The following C16orf95 variants were observed in gnomAD, a reference collection of about 807,000 sequenced individuals.
C16orf95 encodes the protein chromosome 16 open reading frame 95, also known as uncharacterized protein C16orf95.
C16orf95 carries 41 observed loss-of-function variants against 32.1 expected under a neutral mutation model. The ratio of observed to expected loss-of-function variants is 1.28; its 90% CI spans 1.00 to 1.66. The LOEUF (loss-of-function observed/expected upper bound fraction) is 1.66. Ranked by LOEUF, C16orf95 falls within the 40% of genes most tolerant of loss-of-function variation. The pLI, the probability that C16orf95 is intolerant of heterozygous loss-of-function variation, is 0.00. For synonymous variants in C16orf95, 147 were observed against 128.9 expected, an observed-to-expected ratio of 1.14 and a Z score of -0.95; for missense variants, 399 against 325.9, an observed-to-expected ratio of 1.22 and a Z score of -1.73.
chr16:87,311,393 G>A, intron 3 of C16orf95, 97 bp from the exon 4 acceptor site: 5 of 1,316,028 alleles, frequency 3.8e-6, no homozygotes, highest in Non-Finnish European at 5.1e-6. Flanking sequence ...AAGATCCCCT[G>A]GCTGGGTCTT....
chr16:87,315,383 G>A (rs891428579), intron 2 of C16orf95, among the ~76,000 whole-genome samples: 1 of 152,226 alleles, frequency 6.6e-6, no homozygotes, highest in African/African-American at 2.4e-5. Flanking sequence ...CTGAAAATGG[G>A]CATGTACAAG....
rs556938099 is a variant in C16orf95 at position 87,316,853 on chromosome 16, G to C, written c.152+238C>G. On this transcript the variant is annotated intron_variant, in intron 1 of 6. Transcript: ENST00000567970. ...AAGGAAGGAAGCTGAGAGATGGAGA[G>C]AAACCTTCCAGGACCATGGTCAATG... is the stretch of plus-strand genomic sequence containing the variant. 5.3e-5 allele frequency among the ~76,000 whole-genome samples: 8 copies of C among 152,352 alleles called. No homozygotes were observed. In the East Asian group the frequency reaches 1.5e-3, roughly 29 times the overall value.
chr16:87,317,340 A>T lies in C16orf95; in HGVS notation c.-98T>A. 13 of 1,425,756 alleles carry T rather than the reference A, an allele frequency of 9.1e-6. No homozygotes were observed. Among genetic ancestry groups the T allele is most frequent in the Non-Finnish European group, 1.2e-5 (13 of 1,090,340 alleles). The allele number at this position is 1,425,756 out of a possible 1,614,324, so 88.3% of individuals were successfully genotyped here. On this transcript the variant is annotated 5_prime_UTR_variant, in exon 1 of 7. Transcript: ENST00000567970. ...TTCCCTCCTGCCCCAGGAGGAACCC[A>T]ACCCGAGCTCAACCCCAGCCCCAAC...
At chr16:87,309,550 A>T (rs539284996) in intron 5 of C16orf95, among the ~76,000 whole-genome samples, 9 of 151,310 alleles carry the variant, frequency 5.9e-5, no homozygotes, top group Admixed American at 1.3e-4. Context: ...CACCCAGCTA[A>T]TTTTTTGTAT....
intron 3 of C16orf95, among the ~76,000 whole-genome samples, chr16:87,313,772 T>G (rs533687196): frequency 1.3e-5 from 2 of 152,100 alleles, no homozygotes; most frequent in African/African-American, 2.4e-5. Context: ...CATTTACAAA[T>G]TGAATCTCGG....
intron 5 of C16orf95, among the ~76,000 whole-genome samples, chr16:87,307,718 A>G (rs535646572): frequency 2.6e-4 from 39 of 152,324 alleles, no homozygotes; most frequent in African/African-American, 9.4e-4. Context: ...AGATCACGTC[A>G]TTGCACTCCA....
intron 3 of C16orf95, among the ~76,000 whole-genome samples, chr16:87,313,684 T>C (rs1911384284): frequency 1.3e-5 from 2 of 152,096 alleles, no homozygotes; most frequent in African/African-American, 4.8e-5. Flanking sequence ...TAGTGAGCCA[T>C]GATTGTGCAC....
Position 87,305,928 on chromosome 16 carries a change from G to A in C16orf95, c.515-23C>T. On this transcript the variant is annotated intron_variant, in intron 5 of 6. Transcript: ENST00000567970. The surrounding 1 kb of genome is among the most constrained non-coding windows in gnomAD (Gnocchi z 4.2). ...GTGCTAGGCAAAGAAAAGGTGGGTT[G>A]AGGACAGGGCGTGTTCTCCGGGACT... The A allele has an allele frequency of 7.1e-6, 10 of 1,405,148 alleles. No individual in the cohort carries two copies. The highest frequency in any genetic ancestry group is 9.2e-6 in the Non-Finnish European group (10 of 1,083,806). 87.0% of individuals were successfully genotyped at this position (1,405,148 alleles called of 1,614,324 possible). A position where few individuals can be genotyped will look rare whatever the true frequency, so the allele number is the denominator to read the frequency against.
chr16:87,311,413 G>T, intron 3 of C16orf95, 117 bp from the exon 4 acceptor site: 1 of 1,117,146 alleles, frequency 9.0e-7, no homozygotes, highest in Non-Finnish European at 1.2e-6. Flanking sequence ...TAGTATCAGG[G>T]CAGGCCCTGG....
intron 5 of C16orf95, among the ~76,000 whole-genome samples, chr16:87,306,862 A>C (rs903482010): frequency 1.3e-5 from 2 of 152,208 alleles, no homozygotes; most frequent in African/African-American, 4.8e-5. Context: ...AATTAATGCC[A>C]TTTTTATTTT....
rs1910935486 is a variant in C16orf95, at chr16:87,304,756, G to A, written c.701+963C>T. On this transcript the variant is annotated intron_variant, in intron 6 of 6. Coordinates refer to ENST00000567970, the MANE Select transcript of C16orf95 (RefSeq NM_001195124.3). ...GGAGAATGGATAACCCAAAAAACAG[G>A]GGAGAGCCTCCCGCTCCCGCTCCCA... is the stretch of plus-strand genomic sequence containing the variant. 2.0e-5 allele frequency among the ~76,000 whole-genome samples: 3 copies of A among 152,162 alleles called. No homozygotes were observed. The South Asian group carries it at 6.2e-4, about 32-fold the overall frequency.
In C16orf95 at chr16:87,305,805, G is replaced by C. The variant is rs1910995975; in HGVS notation, c.615C>G (p.Asp205Glu). The C allele has an allele frequency of 2.0e-6, 3 of 1,514,558 alleles. No homozygotes were observed. Among genetic ancestry groups the C allele is most frequent in the Non-Finnish European group, 1.8e-6 (2 of 1,136,492 alleles). The allele number at this position is 1,514,558 out of a possible 1,614,324, so 93.8% of individuals were successfully genotyped here. Residue 205 changes from aspartate (D) to glutamate (E), a missense_variant, in exon 6 of 7, where the codon GAC (aspartate) becomes GAG (glutamate). Transcript: ENST00000567970. This position sits in a 1 kb window ranked among gnomAD's most constrained non-coding sequence, Gnocchi z 4.2. ...GACGCGCTGCAGGAGCCGGTAGCTG[G>C]TCCTGGTAGGGGGCCTGGAGCTGCT... ...KFQQLQAPYQDQLPAPAARLL... is the reference protein window; with the variant it reads ...KFQQLQAPYQEQLPAPAARLL...
chr16:87,312,261 G>A (rs1398581944), intron 3 of C16orf95, among the ~76,000 whole-genome samples: 7 of 152,160 alleles, frequency 4.6e-5, no homozygotes, highest in African/African-American at 1.2e-4. Flanking sequence ...GCACGTAGTG[G>A]TAGAGGCTAT....
chr16:87,316,587 T>G (rs917269493), intron 1 of C16orf95, among the ~76,000 whole-genome samples: 1 of 151,992 alleles, frequency 6.6e-6, no homozygotes, highest in Non-Finnish European at 1.5e-5. Flanking sequence ...GATGGGGCAC[T>G]GCCCTCCACA....
In C16orf95 at chr16:87,315,075, T is replaced by G; in HGVS notation, c.226A>C (p.Ile76Leu). 1 of 1,536,134 alleles carries G rather than the reference T, an allele frequency of 6.5e-7. No individual in the cohort carries two copies. ...RHSMHPGPWA[I>L]CCECQTRFGG... is the part of the protein sequence containing the mutation. ...AATCTGGTCTGGCATTCACAGCAGA[T>G]GGCCCAGGGGCCAGGGTGCATCTGA... The change falls in exon 3 of 7, where the codon ATC becomes CTC. Residue 76 changes from isoleucine to leucine, a missense_variant. Coordinates refer to ENST00000567970, the MANE Select transcript of C16orf95 (RefSeq NM_001195124.3).
At chr16:87,310,367 T>C in intron 4 of C16orf95, 34 bp from the exon 5 acceptor site, 4 of 1,535,620 alleles carry the variant, frequency 2.6e-6, no homozygotes, top group African/African-American at 1.4e-5. Flanking sequence ...GCAGTCAGCC[T>C]GGCGACCCTC....
In C16orf95 at chr16:87,317,306, C is replaced by G. The variant is rs1017849365; in HGVS notation, c.-64G>C. ...TCGTCCGCAGGCCCTGACGCCCTGG[C>G]TCCCGCCTTTCCCTCCTGCCCCAGG... On this transcript the variant is annotated 5_prime_UTR_variant, in exon 1 of 7. Transcript: ENST00000567970. The G allele has an allele frequency of 1.4e-6, 2 of 1,453,056 alleles. No individual in the cohort carries two copies. The highest frequency in any genetic ancestry group is 1.8e-6 in the Non-Finnish European group (2 of 1,101,162). The allele number at this position is 1,453,056 out of a possible 1,614,324, so 90.0% of individuals were successfully genotyped here. A position where few individuals can be genotyped will look rare whatever the true frequency, so the allele number is the denominator to read the frequency against.
intron 5 of C16orf95, among the ~76,000 whole-genome samples, chr16:87,309,759 G>A (rs894073379): frequency 6.6e-6 from 1 of 152,110 alleles, no homozygotes; most frequent in African/African-American, 2.4e-5. Context: ...ACATGAATGT[G>A]AGTATATACT....
intron 3 of C16orf95, 103 bp from the exon 4 acceptor site, chr16:87,311,399 G>A (rs1597345766): frequency 8.7e-6 from 11 of 1,269,758 alleles, no homozygotes; most frequent in East Asian, 5.1e-5. Context: ...CCCTGGCTGG[G>A]TCTTAGTATC....
Sources: allele counts gnomAD v4.1 joint callset (sites outside exome capture counted in the v4.1 genomes callset), GRCh38; gene constraint gnomAD v4.1.1; non-coding constraint Gnocchi (gnomAD v3.1); transcripts MANE v1.5; gene names NCBI Gene and HGNC (gene_info 2026-07-23, HGNC 2026-07-21).